Variants in RABGAP1L observed in about 807,000 individuals in gnomAD.
RABGAP1L encodes RAB GTPase activating protein 1 like.
A neutral mutation model predicts 137.7 loss-of-function variants in RABGAP1L; 63 were observed. That is an observed-to-expected ratio of 0.46 (90% CI 0.37 to 0.56). The LOEUF (loss-of-function observed/expected upper bound fraction) is 0.56, where lower values mean the gene tolerates loss of function less well. Among genes scored for constraint, RABGAP1L ranks in the 20% least tolerant of loss-of-function variants. The pLI is 0.00. For synonymous variants in RABGAP1L, 431 were observed against 433.7 expected, an observed-to-expected ratio of 0.99 and a Z score of 0.08; for missense variants, 1,095 against 1,244.0, an observed-to-expected ratio of 0.88 and a Z score of 1.80.
At chr1:174,261,833 C>T (rs987092531) in intron 7 of RABGAP1L, among the ~76,000 whole-genome samples, 3 of 152,130 alleles carry the variant, frequency 2.0e-5, no homozygotes, top group African/African-American at 7.2e-5. Flanking sequence ...GTTTTATTCT[C>T]TTATGTGAAT....
chr1:174,392,222 C>T (rs1647245016), intron 12 of RABGAP1L, among the ~76,000 whole-genome samples: 1 of 152,116 alleles, frequency 6.6e-6, no homozygotes, highest in African/African-American at 2.4e-5. Context: ...ATAAATATTT[C>T]AGACAGCATA....
At chr1:174,371,689 C>G (rs1685123918) in intron 12 of RABGAP1L, among the ~76,000 whole-genome samples, 3 of 152,028 alleles carry the variant, frequency 2.0e-5, no homozygotes, top group Non-Finnish European at 4.4e-5. Context: ...ATCCTGCCAA[C>G]AAAATACTTC....
At chr1:174,380,465 C>A (rs1448322497) in intron 12 of RABGAP1L, among the ~76,000 whole-genome samples, 7 of 150,890 alleles carry the variant, frequency 4.6e-5, no homozygotes, top group South Asian at 2.1e-4. Context: ...ACAATTTCAG[C>A]TCCTGTTATT....
At chr1:174,430,886 T>C (rs1348411291) in intron 13 of RABGAP1L, among the ~76,000 whole-genome samples, 2 of 152,232 alleles carry the variant, frequency 1.3e-5, no homozygotes, top group African/African-American at 4.8e-5. Flanking sequence ...CAAGTTTTCT[T>C]TTGAAAACTG....
chr1:174,495,509 T>C (rs1660660189), intron 13 of RABGAP1L, among the ~76,000 whole-genome samples: 1 of 152,180 alleles, frequency 6.6e-6, no homozygotes, highest in South Asian at 2.1e-4. Flanking sequence ...AAAATACTTC[T>C]TCAGGAACAA....
At chr1:174,632,785 T>C (rs1673537734) in intron 13 of RABGAP1L, among the ~76,000 whole-genome samples, 1 of 144,200 alleles carries the variant, frequency 6.9e-6, no homozygotes, top group African/African-American at 2.7e-5. Flanking sequence ...ATTCTAGTTA[T>C]ACATTCTTCT....
At chr1:174,888,089 A>C (rs1219031218) in intron 19 of RABGAP1L, among the ~76,000 whole-genome samples, 1 of 152,186 alleles carries the variant, frequency 6.6e-6, no homozygotes, top group Non-Finnish European at 1.5e-5. Context: ...GATTTATGAT[A>C]TGGTAATAAG....
intron 13 of RABGAP1L, among the ~76,000 whole-genome samples, chr1:174,623,026 TC>T (rs1480651984): frequency 6.6e-6 from 1 of 152,214 alleles, no homozygotes. Flanking sequence ...TTAATATTCT[TC>T]CTTGCACTGA....
chr1:174,190,751 G>C (rs1214378839), intron 1 of RABGAP1L, among the ~76,000 whole-genome samples: 1 of 152,228 alleles, frequency 6.6e-6, no homozygotes, highest in Non-Finnish European at 1.5e-5. Context: ...CGGTACAAGA[G>C]GCCCAGCTTT....
chr1:174,643,909 A>G (rs895232336), intron 14 of RABGAP1L, among the ~76,000 whole-genome samples: 7 of 138,314 alleles, frequency 5.1e-5, no homozygotes, highest in African/African-American at 3.1e-5. Flanking sequence ...AACTTCACTT[A>G]TATAGGGGTG....
intron 1 of RABGAP1L, among the ~76,000 whole-genome samples, chr1:174,190,512 G>A (rs972158089): frequency 2.0e-5 from 3 of 152,128 alleles, no homozygotes; most frequent in Middle Eastern, 3.2e-3. Flanking sequence ...TTCTTCTGCG[G>A]CTTCCTTACC....
At chr1:174,855,841 A>T (rs920677983) in intron 19 of RABGAP1L, among the ~76,000 whole-genome samples, 1 of 152,188 alleles carries the variant, frequency 6.6e-6, no homozygotes. Context: ...ACTATAGACT[A>T]TTTACAGAAA....
chr1:174,270,319 T>C (rs541707868), intron 7 of RABGAP1L, among the ~76,000 whole-genome samples: 5 of 152,134 alleles, frequency 3.3e-5, no homozygotes, highest in East Asian at 1.9e-4. Flanking sequence ...CAATGTAATA[T>C]AGAAATATTA....
chr1:174,173,280 A>G (rs1426652695), intron 1 of RABGAP1L, among the ~76,000 whole-genome samples: 1 of 151,562 alleles, frequency 6.6e-6, no homozygotes. Flanking sequence ...ACAGGCGTGC[A>G]CCACCATGCC....
chr1:174,525,449 T>C (rs751624586), intron 13 of RABGAP1L, among the ~76,000 whole-genome samples: 2 of 152,160 alleles, frequency 1.3e-5, no homozygotes, highest in African/African-American at 2.4e-5. Context: ...TATTTCATTA[T>C]TGGTGTCTAG....
intron 17 of RABGAP1L, among the ~76,000 whole-genome samples, chr1:174,737,780 T>C (rs1683078828): frequency 1.3e-5 from 2 of 152,200 alleles, no homozygotes; most frequent in Admixed American, 6.5e-5. Context: ...CAACTCCTGG[T>C]GAGAACCTCA....
At chr1:174,619,954 G>C (rs961796315) in intron 13 of RABGAP1L, among the ~76,000 whole-genome samples, 4 of 151,932 alleles carry the variant, frequency 2.6e-5, no homozygotes, top group East Asian at 1.9e-4. Context: ...ATCTACCAAG[G>C]AAATGGAAAA....
At position 174,845,261 on chromosome 1, in the gene RABGAP1L, T is replaced by C. The variant is rs934348992; in HGVS notation, c.2340+33301T>C. 9.8e-4 allele frequency among the ~76,000 whole-genome samples: 103 copies of C among 104,642 alleles called. 1 individual carries two copies. The highest frequency in any genetic ancestry group is 2.8e-3 in the African/African-American group (97 of 34,488). The allele number at this position is 104,642 out of a possible 152,430, so 68.6% of individuals were successfully genotyped here. Reference sequence around the variant, plus strand: ...GCCCTGGCCAGAACTTCCAACACTATGTTGAATAGGAGCGGTGAGAGAGGG... The same window carrying C: ...GCCCTGGCCAGAACTTCCAACACTACGTTGAATAGGAGCGGTGAGAGAGGG... On this transcript the variant is annotated intron_variant, in intron 19 of 25. Transcript: ENST00000681986.
intron 13 of RABGAP1L, among the ~76,000 whole-genome samples, chr1:174,579,216 T>G (rs1668572550): frequency 6.6e-6 from 1 of 152,078 alleles, no homozygotes; most frequent in Non-Finnish European, 1.5e-5. Flanking sequence ...AGGGATTTGA[T>G]TATAATGAGC....
Sources: gnomAD v4.1 joint callset for allele counts (sites outside exome capture counted in the v4.1 genomes callset) on GRCh38, gnomAD v4.1.1 for gene constraint, MANE v1.5 for transcripts, NCBI Gene and HGNC (gene_info 2026-07-23, HGNC 2026-07-21) for gene names.